KCNH8: variants seen among roughly 807,000 people sequenced by gnomAD.
The protein encoded by KCNH8 is voltage-gated delayed rectifier potassium channel KCNH8.
In KCNH8, 70 loss-of-function variants were observed where a neutral mutation model predicts 103.6. The ratio of observed to expected loss-of-function variants is 0.68; its 90% CI spans 0.56 to 0.82. KCNH8 has a LOEUF of 0.82. Ranked by LOEUF, KCNH8 falls within the 40% of genes least tolerant of loss-of-function variation. KCNH8 has a pLI of 0.00. For missense variants in KCNH8, 1,217 were observed against 1,329.9 expected (o/e 0.92, Z 1.32); for synonymous variants, 498 against 489.4 (o/e 1.02, Z -0.23).
Position 19,479,533 on chromosome 3 carries a change from A to C in KCNH8, c.2040+22551A>C, listed in dbSNP as rs142260321. On this transcript the variant is annotated intron_variant, in intron 11 of 15. Transcript: ENST00000328405. Reference sequence around the variant, plus strand: ...GTGAAATGTCAGATTTGTTTACTTAAACATTAGTGCTCCCTTATTCAAAGC... The same window carrying C: ...GTGAAATGTCAGATTTGTTTACTTACACATTAGTGCTCCCTTATTCAAAGC... Among the ~76,000 whole-genome samples, 8 of 152,228 alleles carry C rather than the reference A, an allele frequency of 5.3e-5. No individual in the cohort carries two copies. In the East Asian group the frequency reaches 1.5e-3, roughly 29 times the overall value.
intron 11 of KCNH8, among the ~76,000 whole-genome samples, chr3:19,458,848 T>C (rs550018318): frequency 6.6e-6 from 1 of 152,162 alleles, no homozygotes; most frequent in South Asian, 2.1e-4. Flanking sequence ...GATCATGTAG[T>C]ATTTGTCTTT....
At chr3:19,287,436 A>G (rs2125278527) in intron 3 of KCNH8, among the ~76,000 whole-genome samples, 1 of 152,320 alleles carries the variant, frequency 6.6e-6, no homozygotes, top group Middle Eastern at 3.4e-3. Flanking sequence ...TAACTTTCCA[A>G]CACTTTGGGC....
chr3:19,312,564 C>G (rs1480417594), intron 3 of KCNH8, among the ~76,000 whole-genome samples: 2 of 151,888 alleles, frequency 1.3e-5, no homozygotes, highest in Non-Finnish European at 2.9e-5. Flanking sequence ...AACCATCAGT[C>G]ACTTCTCAGA....
At chr3:19,231,345 A>G (rs998709863) in intron 1 of KCNH8, among the ~76,000 whole-genome samples, 4 of 152,190 alleles carry the variant, frequency 2.6e-5, no homozygotes, top group Non-Finnish European at 5.9e-5. Flanking sequence ...CTTATTGTGC[A>G]TAATGCTCGG....
intron 2 of KCNH8, among the ~76,000 whole-genome samples, chr3:19,256,378 C>A (rs1419239300): frequency 6.6e-6 from 1 of 152,012 alleles, no homozygotes; most frequent in Non-Finnish European, 1.5e-5. Context: ...GCCTACATAG[C>A]AAATATGATA....
At chr3:19,425,412 A>G (rs1206548597) in intron 7 of KCNH8, among the ~76,000 whole-genome samples, 1 of 152,216 alleles carries the variant, frequency 6.6e-6, no homozygotes, top group Non-Finnish European at 1.5e-5. Context: ...ACTGCAAGAT[A>G]ATAAAGACCT....
chr3:19,534,770 A>T lies in KCNH8; in HGVS notation c.*671A>T, dbSNP rs2069239508. The T allele has an allele frequency of 1.3e-5, 2 of 152,496 alleles. No homozygotes were observed. The highest frequency in any genetic ancestry group is 6.5e-5 in the Admixed American group (1 of 15,276). The allele number at this position is 152,496 out of a possible 1,614,324, so 9.4% of individuals were successfully genotyped here. A position where few individuals can be genotyped will look rare whatever the true frequency, so the allele number is the denominator to read the frequency against. Reference sequence around the variant, plus strand: ...AATGTTTTCTTTTCATTTTGGTAAAAAAAAAGCTTGCTGTTTTAACAAGAA... The same window carrying T: ...AATGTTTTCTTTTCATTTTGGTAAATAAAAAGCTTGCTGTTTTAACAAGAA... On this transcript the variant is annotated 3_prime_UTR_variant, in exon 16 of 16. Coordinates refer to ENST00000328405, the MANE Select transcript of KCNH8 (RefSeq NM_144633.3).
At chr3:19,349,865 G>T (rs1381945356) in intron 5 of KCNH8, among the ~76,000 whole-genome samples, 2 of 152,016 alleles carry the variant, frequency 1.3e-5, no homozygotes, top group African/African-American at 4.8e-5. Context: ...CAGCAAGATG[G>T]TTCTCCCAGT....
intron 3 of KCNH8, among the ~76,000 whole-genome samples, chr3:19,308,712 CTCTCT>C (rs1559470094): frequency 1.7e-4 from 12 of 68,642 alleles, no homozygotes; most frequent in African/African-American, 5.4e-4. Context: ...CTCTCTCTCT[CTCTCT>C]CCCCCTCTCT....
chr3:19,373,000 G>A (rs2125117812), intron 5 of KCNH8, among the ~76,000 whole-genome samples: 1 of 151,870 alleles, frequency 6.6e-6, no homozygotes. Flanking sequence ...ATGTGCTGCT[G>A]GATTCGTTTT....
chr3:19,269,793 G>A (rs2064562500), intron 2 of KCNH8, among the ~76,000 whole-genome samples: 1 of 152,086 alleles, frequency 6.6e-6, no homozygotes, highest in Non-Finnish European at 1.5e-5. Flanking sequence ...GATCCCTCTA[G>A]GCCATTGGTG....
chr3:19,391,863 A>G (rs77290831), intron 6 of KCNH8: 2 of 152,124 alleles, frequency 1.3e-5, no homozygotes, highest in Non-Finnish European at 2.9e-5. Context: ...TCATGAAACT[A>G]TAATGGCTTA....
At chr3:19,444,831 C>T (rs2067338840) in intron 8 of KCNH8, among the ~76,000 whole-genome samples, 1 of 151,874 alleles carries the variant, frequency 6.6e-6, no homozygotes, top group Non-Finnish European at 1.5e-5. Context: ...TGTTTAAAAA[C>T]ACTGCAACCC....
At chr3:19,486,264 G>A (rs1048636919) in intron 11 of KCNH8, among the ~76,000 whole-genome samples, 1 of 152,226 alleles carries the variant, frequency 6.6e-6, no homozygotes, top group African/African-American at 2.4e-5. Context: ...AATGGGAACA[G>A]GGTGGTGGGA....
At chr3:19,495,714 A>ATT (rs531725941) in intron 11 of KCNH8, among the ~76,000 whole-genome samples, 3 of 147,998 alleles carry the variant, frequency 2.0e-5, no homozygotes, top group Non-Finnish European at 4.5e-5. Flanking sequence ...ACAAATTTAA[A>ATT]TTTTTTTTTT....
intron 1 of KCNH8, among the ~76,000 whole-genome samples, chr3:19,161,957 CT>C (rs1313744705): frequency 2.0e-5 from 3 of 151,336 alleles, no homozygotes; most frequent in African/African-American, 4.9e-5. Flanking sequence ...TACGTGGTTT[CT>C]TTTTTTTAAT....
intron 2 of KCNH8, 44 bp from the exon 3 acceptor site, chr3:19,281,154 C>T: frequency 6.3e-7 from 1 of 1,591,654 alleles, no homozygotes; most frequent in Admixed American, 1.8e-5. Flanking sequence ...AGAGATAACA[C>T]AAGGCAATGG....
intron 5 of KCNH8, among the ~76,000 whole-genome samples, chr3:19,356,684 C>T (rs945540944): frequency 6.6e-5 from 10 of 152,068 alleles, no homozygotes; most frequent in African/African-American, 2.4e-4. Flanking sequence ...CTTTCTTACA[C>T]CACAGTTGGA....
chr3:19,390,392 C>CCTTTCTTCTTT (rs1304929074), intron 5 of KCNH8, 89 bp from the exon 6 acceptor site: 10 of 985,136 alleles, frequency 1.0e-5, no homozygotes, highest in African/African-American at 6.6e-5. Flanking sequence ...TGTCTCCCTT[C>CCTTTCTTCTTT]CTTTCTTCTT....
Sources: gnomAD v4.1 joint callset for allele counts (sites outside exome capture counted in the v4.1 genomes callset) on GRCh38, gnomAD v4.1.1 for gene constraint, MANE v1.5 for transcripts, NCBI Gene and HGNC (gene_info 2026-07-23, HGNC 2026-07-21) for gene names.